ZNF362: variants seen among roughly 807,000 people sequenced by gnomAD.
ZNF362 encodes the protein rotund homolog.
In ZNF362, 11 loss-of-function variants were observed where a neutral mutation model predicts 42.9. The observed-to-expected ratio is 0.26, with a 90% CI of 0.16 to 0.42. ZNF362 has a LOEUF of 0.42. ZNF362 is among the 20% of genes least tolerant of loss of function. The probability of loss-of-function intolerance (pLI) is 1.00; values close to 1 mark genes in which losing one functional copy is unlikely to be tolerated. For synonymous variants in ZNF362, 255 were observed against 257.3 expected (o/e 0.99, Z 0.09); for missense variants, 362 against 576.2 (o/e 0.63, Z 3.81).
chr1:33,157,079 A>T, the ZNF362 span, among the ~76,000 whole-genome samples: 1 of 151,332 alleles, frequency 6.6e-6, no homozygotes, highest in African/African-American at 2.4e-5. Context: ...TCCTTAAAAA[A>T]CTTAAACCAG....
chr1:33,180,991 C>G, the ZNF362 span: 1 of 1,207,436 alleles, frequency 8.3e-7, no homozygotes, highest in Non-Finnish European at 1.1e-6. Context: ...CCAGCCCGGC[C>G]CCGCCCCTTC....
chr1:33,261,984 G>C (rs1645830713), intron 1 of ZNF362, among the ~76,000 whole-genome samples: 1 of 152,216 alleles, frequency 6.6e-6, no homozygotes, highest in South Asian at 2.1e-4. Context: ...GGATGCACAG[G>C]GTGTGCCTGG....
chr1:33,130,424 T>A, the ZNF362 span, among the ~76,000 whole-genome samples: 1 of 152,246 alleles, frequency 6.6e-6, no homozygotes, highest in Non-Finnish European at 1.5e-5. Flanking sequence ...TCACTTGCTC[T>A]TAGGGAACAC....
chr1:33,180,988 G>GGCCCC, the ZNF362 span: 2 of 646,260 alleles, frequency 3.1e-6, no homozygotes, highest in African/African-American at 8.4e-5. Context: ...CCTCCAGCCC[G>GGCCCC]GCCCCGCCCC....
At chr1:33,270,640 C>T (rs374809744) in intron 2 of ZNF362, 28 bp downstream of exon 2, 1 of 1,609,822 alleles carries the variant, frequency 6.2e-7, no homozygotes, top group Non-Finnish European at 8.5e-7. Context: ...CCAGGTTGCA[C>T]TCTGTCAATG....
At chr1:33,272,715 A>G (rs1407514338) in intron 2 of ZNF362, among the ~76,000 whole-genome samples, 1 of 151,900 alleles carries the variant, frequency 6.6e-6, no homozygotes, top group African/African-American at 2.4e-5. Context: ...CCTCTGCTTC[A>G]CTGCTCCCCT....
chr1:33,281,928 G>A lies in ZNF362; in HGVS notation c.908+117G>A. On this transcript the variant is annotated intron_variant, in intron 6 of 8. Transcript: ENST00000539719. The surrounding 1 kb of genome is among the most constrained non-coding windows in gnomAD (Gnocchi z 4.8). The stretch of plus-strand genomic sequence containing the variant: ...CTTCTCCAGGTGCCCATTGCCCTCG[G>A]GGTCACGGCCCTTGTGGACCTCACT... The A allele has an allele frequency of 9.6e-7, 1 of 1,044,642 alleles. No homozygotes were observed. Among genetic ancestry groups the A allele is most frequent in the Non-Finnish European group, 1.4e-6 (1 of 705,956 alleles). The allele number at this position is 1,044,642 out of a possible 1,614,324, so 64.7% of individuals were successfully genotyped here.
the ZNF362 span, among the ~76,000 whole-genome samples, chr1:33,151,794 C>A: frequency 2.0e-5 from 3 of 152,176 alleles, no homozygotes; most frequent in African/African-American, 7.2e-5. Flanking sequence ...TGTGGAGGTC[C>A]CAGGAGATGT....
the ZNF362 span, among the ~76,000 whole-genome samples, chr1:33,230,291 A>G: frequency 6.6e-6 from 1 of 152,184 alleles, no homozygotes; most frequent in African/African-American, 2.4e-5. Context: ...ATTAGATATT[A>G]TTGTTGTTAC....
At chr1:33,179,259 G>A in the ZNF362 span, among the ~76,000 whole-genome samples, 3 of 152,360 alleles carry the variant, frequency 2.0e-5, 1 homozygote, top group Middle Eastern at 6.8e-3. Flanking sequence ...CCAGGCCCTT[G>A]CTCACCCTCT....
chr1:33,248,676 C>T, the ZNF362 span, among the ~76,000 whole-genome samples: 1 of 152,218 alleles, frequency 6.6e-6, no homozygotes, highest in Non-Finnish European at 1.5e-5. Flanking sequence ...TTTCATCCCT[C>T]CTCTGCTCAT....
At chr1:33,161,161 G>A in the ZNF362 span, among the ~76,000 whole-genome samples, 66 of 152,348 alleles carry the variant, frequency 4.3e-4, no homozygotes, top group Admixed American at 9.1e-4. The surrounding 1 kb of genome is among the most constrained non-coding windows in gnomAD (Gnocchi z 4.3). Context: ...ACTCCAAGGC[G>A]CAGAGAAAGA....
At chr1:33,166,696 A>C in the ZNF362 span, among the ~76,000 whole-genome samples, 1 of 152,178 alleles carries the variant, frequency 6.6e-6, no homozygotes, top group African/African-American at 2.4e-5. Context: ...TCTTGATGCC[A>C]GGTGACACGT....
chr1:33,189,113 C>T, the ZNF362 span, among the ~76,000 whole-genome samples: 1 of 152,200 alleles, frequency 6.6e-6, no homozygotes. Context: ...AAAAAATTCT[C>T]CACATGGCTG....
At chr1:33,175,809 C>A in the ZNF362 span, among the ~76,000 whole-genome samples, 3 of 152,214 alleles carry the variant, frequency 2.0e-5, no homozygotes, top group South Asian at 6.2e-4. Context: ...ACCTGGCACA[C>A]AGTAAGTGCC....
the ZNF362 span, among the ~76,000 whole-genome samples, chr1:33,224,482 T>A: frequency 6.6e-6 from 1 of 152,226 alleles, no homozygotes. Flanking sequence ...ATGTATCCAC[T>A]GTGTTTCATG....
the ZNF362 span, among the ~76,000 whole-genome samples, chr1:33,154,540 C>A: frequency 6.6e-6 from 1 of 152,186 alleles, no homozygotes; most frequent in African/African-American, 2.4e-5. Flanking sequence ...TGGCTCACGC[C>A]TGTAATCCTA....
the ZNF362 span, among the ~76,000 whole-genome samples, chr1:33,237,284 C>T: frequency 6.6e-6 from 1 of 152,134 alleles, no homozygotes; most frequent in South Asian, 2.1e-4. Context: ...TGGCACATAG[C>T]ACAGTTTAAT....
At position 33,261,528 on chromosome 1, in the gene ZNF362, T is replaced by G. The variant is rs974398132; in HGVS notation, c.-89+4874T>G. The G allele has an allele frequency of 3.9e-5, 6 of 152,208 alleles. No homozygotes were observed. The East Asian group carries it at 9.7e-4, about 25-fold the overall frequency. 9.4% of individuals were successfully genotyped at this position (152,208 alleles called of 1,614,324 possible). On this transcript the variant is annotated intron_variant, in intron 1 of 8. Transcript: ENST00000539719. ...TTGTTGAATGTAAGAATGAATAAATTGGTGCACAAAGACCGCATGAACCCT... is the reference window on the plus strand; with the variant it reads ...TTGTTGAATGTAAGAATGAATAAATGGGTGCACAAAGACCGCATGAACCCT...
Sources: allele counts gnomAD v4.1 joint callset (sites outside exome capture counted in the v4.1 genomes callset), GRCh38; gene constraint gnomAD v4.1.1; non-coding constraint Gnocchi (gnomAD v3.1); transcripts MANE v1.5; gene names NCBI Gene and HGNC (gene_info 2026-07-23, HGNC 2026-07-21).